Variants in KCNAB1 observed in about 807,000 individuals in gnomAD.
KCNAB1 encodes the protein voltage-gated potassium channel subunit beta-1.
A neutral mutation model predicts 64.6 loss-of-function variants in KCNAB1; 35 were observed. The ratio of observed to expected loss-of-function variants is 0.54; its 90% confidence interval spans 0.41 to 0.72. KCNAB1 has a LOEUF of 0.72. Ranked by LOEUF, KCNAB1 falls within the 30% of genes least tolerant of loss-of-function variation. KCNAB1 has a pLI of 0.00. For missense variants in KCNAB1, 401 were observed against 512.9 expected (o/e 0.78, Z 2.11); for synonymous variants, 177 against 183.8 (o/e 0.96, Z 0.30).
rs567506468 is a variant in KCNAB1, at chr3:156,488,608, CA to C, written c.658+13794del. Among the ~76,000 whole-genome samples the C allele has an allele frequency of 3.1e-4, 47 of 152,124 alleles. No individual in the cohort carries two copies. The East Asian group carries it at 7.4e-3, about 24-fold the overall frequency. On this transcript the variant is annotated intron_variant, in intron 8 of 13. Transcript: ENST00000490337. ...ATCTTTGGGCTCTCTGAATTTTTGA[CA>C]AAAAAGTGACGTGACTTGACTTACA...
rs56216211 is a variant in KCNAB1, at chr3:156,143,569, G to GTT, written c.275+22710_275+22711dup. The GTT allele has an allele frequency of 1.1e-3, 340 of 296,756 alleles. 10 individuals are homozygous for GTT. Among genetic ancestry groups the GTT allele is most frequent in the African/African-American group, 3.2e-3 (111 of 34,292 alleles). The allele number at this position is 296,756 out of a possible 1,614,324, so 18.4% of individuals were successfully genotyped here. A position where few individuals can be genotyped will look rare whatever the true frequency, so the allele number is the denominator to read the frequency against. On this transcript the variant is annotated intron_variant, in intron 1 of 13. Coordinates refer to ENST00000490337, the MANE Select transcript of KCNAB1 (RefSeq NM_172160.3). ...AGCCCTCTTCTTGGGTTGCATTCTTGTTTTTTTTTTTTTTTTTTTTTTTTT... is the reference window on the plus strand; with the variant it reads ...AGCCCTCTTCTTGGGTTGCATTCTTGTTTTTTTTTTTTTTTTTTTTTTTTTTT...
intron 1 of KCNAB1, among the ~76,000 whole-genome samples, chr3:156,383,769 T>C (rs1428472577): frequency 1.3e-5 from 2 of 152,142 alleles, no homozygotes; most frequent in East Asian, 1.9e-4. Context: ...AAGAAAAAAA[T>C]TATTCTCAGC....
intron 1 of KCNAB1, among the ~76,000 whole-genome samples, chr3:156,339,728 T>C (rs907900385): frequency 2.0e-5 from 3 of 152,194 alleles, no homozygotes; most frequent in African/African-American, 7.2e-5. Flanking sequence ...AATGGGTACA[T>C]CCTCTGGCCA....
intron 1 of KCNAB1, among the ~76,000 whole-genome samples, chr3:156,238,189 C>T (rs1353408588): frequency 6.6e-6 from 1 of 151,960 alleles, no homozygotes; most frequent in African/African-American, 2.4e-5. Flanking sequence ...TTTGGGAGGC[C>T]GAGGCGGCGG....
intron 1 of KCNAB1, among the ~76,000 whole-genome samples, chr3:156,404,209 A>G (rs1714093166): frequency 6.6e-6 from 1 of 152,210 alleles, no homozygotes; most frequent in Non-Finnish European, 1.5e-5. Flanking sequence ...TCAAAGCACA[A>G]TGACTGCATA....
intron 1 of KCNAB1, among the ~76,000 whole-genome samples, chr3:156,344,900 G>A (rs999762588): frequency 6.0e-4 from 91 of 152,202 alleles, no homozygotes; most frequent in Admixed American, 2.2e-3. Flanking sequence ...ACCCCAGAAG[G>A]TATCGCCTCT....
chr3:156,281,658 A>G (rs1222640556), intron 1 of KCNAB1, among the ~76,000 whole-genome samples: 5 of 152,122 alleles, frequency 3.3e-5, no homozygotes, highest in African/African-American at 9.7e-5. Flanking sequence ...TTATTGGGCT[A>G]TTCAGAGATT....
chr3:156,419,269 G>A (rs1484770820), intron 1 of KCNAB1, among the ~76,000 whole-genome samples: 1 of 152,120 alleles, frequency 6.6e-6, no homozygotes, highest in African/African-American at 2.4e-5. Context: ...TTGGGAGGCC[G>A]AGGCAGGTGG....
chr3:156,182,461 C>T (rs767836633), intron 1 of KCNAB1, among the ~76,000 whole-genome samples: 1 of 152,082 alleles, frequency 6.6e-6, no homozygotes, highest in Non-Finnish European at 1.5e-5. Flanking sequence ...TAAAGAGTCC[C>T]TCAGCCATTT....
At chr3:156,438,975 T>G (rs185205937) in intron 2 of KCNAB1, among the ~76,000 whole-genome samples, 11 of 151,762 alleles carry the variant, frequency 7.2e-5, no homozygotes, top group Non-Finnish European at 1.5e-4. Flanking sequence ...GGTTGTGCCA[T>G]TGCACTCCAG....
chr3:156,200,555 G>C (rs1035554366), intron 1 of KCNAB1, among the ~76,000 whole-genome samples: 2 of 152,220 alleles, frequency 1.3e-5, no homozygotes, highest in African/African-American at 4.8e-5. Context: ...CCTGGCTACA[G>C]CCACTTTACT....
chr3:156,145,321 C>T (rs1273792680), intron 1 of KCNAB1, among the ~76,000 whole-genome samples: 2 of 152,214 alleles, frequency 1.3e-5, no homozygotes, highest in Non-Finnish European at 2.9e-5. Flanking sequence ...CTTCCTGACA[C>T]ATTTCTCCAT....
chr3:156,417,714 T>TAAAAAAAAAAAAAA (rs367696768), intron 1 of KCNAB1, among the ~76,000 whole-genome samples: 1 of 145,770 alleles, frequency 6.9e-6, no homozygotes, highest in African/African-American at 2.6e-5. Flanking sequence ...AGTATTGCCT[T>TAAAAAAAAAAAAAA]AAAAGAAAAA....
intron 1 of KCNAB1, among the ~76,000 whole-genome samples, chr3:156,145,165 A>G (rs1714966715): frequency 6.6e-6 from 1 of 152,158 alleles, no homozygotes; most frequent in Admixed American, 6.5e-5. Flanking sequence ...GGTGTATGCT[A>G]CCATATCACA....
chr3:156,423,194 G>A (rs549977919), intron 2 of KCNAB1, among the ~76,000 whole-genome samples: 2 of 152,356 alleles, frequency 1.3e-5, no homozygotes, highest in East Asian at 3.9e-4. Context: ...GAGCAGACAA[G>A]TGGGATCAGA....
rs577267347 is a variant in KCNAB1, at chr3:156,204,496, A to G, written c.275+83610A>G. On this transcript the variant is annotated intron_variant, in intron 1 of 13. Transcript: ENST00000490337. ...GAAGAGACACTTCCCTCTGTTTAGAACTGACATAAATTCTCTATCTCTATC... is the reference window on the plus strand; with the variant it reads ...GAAGAGACACTTCCCTCTGTTTAGAGCTGACATAAATTCTCTATCTCTATC... Among the ~76,000 whole-genome samples, 3 of 152,332 alleles carry G rather than the reference A, an allele frequency of 2.0e-5. No homozygotes were observed. The South Asian group carries it at 6.2e-4, about 32-fold the overall frequency.
At chr3:156,529,126 G>A (rs1718520486) in intron 12 of KCNAB1, among the ~76,000 whole-genome samples, 1 of 152,166 alleles carries the variant, frequency 6.6e-6, no homozygotes, top group African/African-American at 2.4e-5. Context: ...ACTGAGCCCT[G>A]TATCCACACA....
intron 8 of KCNAB1, among the ~76,000 whole-genome samples, chr3:156,490,020 A>G (rs1214747642): frequency 6.6e-6 from 1 of 152,102 alleles, no homozygotes; most frequent in Non-Finnish European, 1.5e-5. Flanking sequence ...ATGAAGGAAG[A>G]GGAGTTTTAT....
rs139282849 is a variant in KCNAB1 at position 156,166,610 on chromosome 3, G to A, written c.275+45724G>A. On this transcript the variant is annotated intron_variant, in intron 1 of 13. Coordinates refer to ENST00000490337, the MANE Select transcript of KCNAB1 (RefSeq NM_172160.3). The stretch of plus-strand genomic sequence containing the variant: ...AGTCCTTATTCATGAATATCAGCAA[G>A]ATCCCAGTGCTTCTTTTATGGGTTT... Among the ~76,000 whole-genome samples the A allele has an allele frequency of 4.6e-5, 7 of 152,050 alleles. No homozygotes were observed. In the East Asian group the frequency reaches 1.4e-3, roughly 29 times the overall value.
Sources: allele counts gnomAD v4.1 joint callset (sites outside exome capture counted in the v4.1 genomes callset), GRCh38; gene constraint gnomAD v4.1.1; transcripts MANE v1.5; gene names NCBI Gene and HGNC (gene_info 2026-07-23, HGNC 2026-07-21).